Variants in ZNF385D observed in about 807,000 individuals in gnomAD.
ZNF385D encodes zinc finger protein 385D.
ZNF385D carries 15 observed loss-of-function variants against 35.8 expected under a neutral mutation model. The observed-to-expected ratio is 0.42, with a 90% CI of 0.28 to 0.64. ZNF385D has a LOEUF of 0.64. ZNF385D is among the 30% of genes least tolerant of loss of function. ZNF385D has a pLI of 0.23. For synonymous variants in ZNF385D, 212 were observed against 186.8 expected (o/e 1.13, Z -1.10); for missense variants, 474 against 494.6 (o/e 0.96, Z 0.39).
intron 2 of ZNF385D, among the ~76,000 whole-genome samples, chr3:22,268,817 G>C (rs962550253): frequency 6.6e-6 from 1 of 151,868 alleles, no homozygotes; most frequent in Admixed American, 6.6e-5. Context: ...ATTTTTACTT[G>C]CTAGCTGTAT....
At chr3:21,801,677 C>T (rs1261205841) in intron 3 of ZNF385D, among the ~76,000 whole-genome samples, 1 of 152,124 alleles carries the variant, frequency 6.6e-6, no homozygotes, top group Admixed American at 6.5e-5. Flanking sequence ...TAAACTCACG[C>T]AGCTGATATG....
intron 2 of ZNF385D, among the ~76,000 whole-genome samples, chr3:22,171,827 A>C (rs1694463661): frequency 6.7e-6 from 1 of 148,378 alleles, no homozygotes; most frequent in Non-Finnish European, 1.5e-5. Context: ...CAGTGAGCCG[A>C]GATCACGCCA....
intron 2 of ZNF385D, among the ~76,000 whole-genome samples, chr3:22,272,069 C>T (rs1194467791): frequency 1.3e-5 from 2 of 151,942 alleles, no homozygotes; most frequent in Admixed American, 6.6e-5. Context: ...TACATCCCAT[C>T]GTATCCACAA....
intron 3 of ZNF385D, among the ~76,000 whole-genome samples, chr3:21,517,784 T>A (rs1003674708): frequency 5.3e-5 from 8 of 152,220 alleles, no homozygotes; most frequent in Admixed American, 5.2e-4. Context: ...ATCAGTTTTG[T>A]ATATACCAGT....
At chr3:21,525,678 C>G (rs1458989342) in intron 3 of ZNF385D, among the ~76,000 whole-genome samples, 1 of 96,822 alleles carries the variant, frequency 1.0e-5, no homozygotes, top group African/African-American at 3.9e-5. Flanking sequence ...GAGCAAAATT[C>G]CATCTCAAAA....
At chr3:22,099,185 A>G (rs1476256125) in intron 3 of ZNF385D, among the ~76,000 whole-genome samples, 1 of 152,122 alleles carries the variant, frequency 6.6e-6, no homozygotes, top group Non-Finnish European at 1.5e-5. Context: ...GCTCATAATG[A>G]AGTTTTAAGT....
chr3:22,088,062 G>A (rs753990498), intron 3 of ZNF385D, among the ~76,000 whole-genome samples: 1 of 152,160 alleles, frequency 6.6e-6, no homozygotes, highest in East Asian at 1.9e-4. Flanking sequence ...TTGAAGGAGA[G>A]CTTTGTCTAA....
intron 2 of ZNF385D, among the ~76,000 whole-genome samples, chr3:21,658,578 C>T (rs2066142220): frequency 2.1e-5 from 3 of 145,940 alleles, no homozygotes; most frequent in South Asian, 4.5e-4. Context: ...ATATCTATTA[C>T]CTATCTACCT....
chr3:22,351,443 A>G (rs1459066264), intron 2 of ZNF385D, among the ~76,000 whole-genome samples: 1 of 152,170 alleles, frequency 6.6e-6, no homozygotes, highest in African/African-American at 2.4e-5. Context: ...AAAAGTTAAC[A>G]AGCATAATTA....
chr3:21,424,869 A>G (rs1405286647), intron 6 of ZNF385D, among the ~76,000 whole-genome samples: 2 of 152,108 alleles, frequency 1.3e-5, no homozygotes, highest in Non-Finnish European at 2.9e-5. Flanking sequence ...GGTGCATAAA[A>G]TCAGCAAAAT....
chr3:21,954,248 A>T (rs2125304120), intron 3 of ZNF385D, among the ~76,000 whole-genome samples: 1 of 152,056 alleles, frequency 6.6e-6, no homozygotes, highest in East Asian at 1.9e-4. Context: ...CAATGCCTGA[A>T]TATTCCATTT....
chr3:22,094,404 A>ATATATATATATG, intron 3 of ZNF385D, among the ~76,000 whole-genome samples: 1 of 147,456 alleles, frequency 6.8e-6, no homozygotes, highest in Non-Finnish European at 1.5e-5. Flanking sequence ...ATATATATAT[A>ATATATATATATG]TATATAAAGG....
intron 3 of ZNF385D, among the ~76,000 whole-genome samples, chr3:21,803,071 G>A (rs1312241563): frequency 6.6e-6 from 1 of 152,176 alleles, no homozygotes; most frequent in Non-Finnish European, 1.5e-5. Flanking sequence ...CAAGATGGCT[G>A]CAAGTTATTG....
chr3:21,606,020 C>T (rs1451793437), intron 2 of ZNF385D, among the ~76,000 whole-genome samples: 1 of 152,152 alleles, frequency 6.6e-6, no homozygotes, highest in Non-Finnish European at 1.5e-5. Flanking sequence ...CTCTTGTGTC[C>T]TCTTTTACCT....
intron 2 of ZNF385D, among the ~76,000 whole-genome samples, chr3:22,209,761 T>C (rs1045904825): frequency 5.1e-3 from 3 of 590 alleles, no homozygotes; most frequent in East Asian, 0.044. Context: ...AAAAGAACAA[T>C]CATTTTTTTT....
chr3:22,350,764 A>G (rs565451634), intron 2 of ZNF385D, among the ~76,000 whole-genome samples: 9 of 152,106 alleles, frequency 5.9e-5, no homozygotes, highest in Non-Finnish European at 1.0e-4. Context: ...CTCCTTTTGA[A>G]TGTGTAAAAG....
chr3:21,566,395 G>A (rs1405645286), intron 2 of ZNF385D, among the ~76,000 whole-genome samples: 1 of 152,168 alleles, frequency 6.6e-6, no homozygotes, highest in Admixed American at 6.5e-5. Flanking sequence ...GAAGGCCGAG[G>A]TGGGTGGATC....
intron 3 of ZNF385D, among the ~76,000 whole-genome samples, chr3:21,991,000 A>G (rs1262190700): frequency 2.6e-5 from 4 of 152,240 alleles, no homozygotes; most frequent in Non-Finnish European, 5.9e-5. Flanking sequence ...ATGGTATATC[A>G]AAGCTTCTAA....
At chr3:22,061,740 C>T (rs117830715) in intron 3 of ZNF385D, among the ~76,000 whole-genome samples, 1 of 152,276 alleles carries the variant, frequency 6.6e-6, no homozygotes, top group East Asian at 1.9e-4. Context: ...CCTTCCTCTC[C>T]CTTTGCCCTC....
Sources: gnomAD v4.1 joint callset for allele counts (sites outside exome capture counted in the v4.1 genomes callset) on GRCh38, gnomAD v4.1.1 for gene constraint, MANE v1.5 for transcripts, NCBI Gene and HGNC (gene_info 2026-07-23, HGNC 2026-07-21) for gene names.